NRAP: variants seen among roughly 807,000 people sequenced by gnomAD.
NRAP encodes the protein nebulin related anchoring protein, also known as nebulin-related-anchoring protein.
NRAP carries 189 observed loss-of-function variants against 225.9 expected under a neutral mutation model. The ratio of observed to expected loss-of-function variants is 0.84; its 90% CI spans 0.74 to 0.94. The LOEUF is 0.94. Ranked by LOEUF, NRAP falls within the 40% of genes least tolerant of loss-of-function variation. NRAP has a pLI of 0.00. For synonymous variants in NRAP, 769 were observed against 790.7 expected, an observed-to-expected ratio of 0.97 and a Z score of 0.46; for missense variants, 2,176 against 2,168.7, an observed-to-expected ratio of 1.00 and a Z score of -0.07.
rs553220058 is a variant in NRAP at position 113,623,809 on chromosome 10, CT to C, written c.2350-174del. On this transcript the variant is annotated intron_variant, in intron 22 of 41. Transcript: ENST00000359988. ...GAATACAGCCAGGCCTTCTTCCTGC[CT>C]TAAGGCCTTTTAACACATAGGGCTT... 5.1e-4 allele frequency among the ~76,000 whole-genome samples: 78 copies of C among 152,312 alleles called. No individual in the cohort carries two copies. In the South Asian group the frequency reaches 0.012, roughly 23 times the overall value.
Position 113,617,493 on chromosome 10 carries a change from T to C in NRAP, c.2935A>G (p.Met979Val), listed in dbSNP as rs770388040. The C allele has an allele frequency of 1.9e-5, 31 of 1,611,844 alleles. No individual in the cohort carries two copies. In the Admixed American group the frequency reaches 5.0e-4, roughly 26 times the overall value. The change falls in exon 26 of 42, where the codon ATG becomes GTG. Residue 979 changes from methionine (M) to valine (V), a missense_variant. By Grantham distance (21) the Met-to-Val change is conservative. Transcript: ENST00000359988. ...KFTSIKDTPE[M>V]VQARISYTQA... ...GTATAACTAATTCTGGCCTGGACCATCTCCGGAGTGTCTTTAATACTGGTA... is the reference window on the plus strand; with the variant it reads ...GTATAACTAATTCTGGCCTGGACCACCTCCGGAGTGTCTTTAATACTGGTA...
At chr10:113,610,644 G>C in intron 30 of NRAP, 81 bp from the exon 31 acceptor site, 1 of 802,342 alleles carries the variant, frequency 1.2e-6, no homozygotes, top group Non-Finnish European at 2.1e-6. Context: ...GAGGTCTCAT[G>C]ACACAGCATC....
intron 7 of NRAP, 112 bp downstream of exon 7, chr10:113,651,691 A>G (rs1592863691): frequency 7.7e-6 from 5 of 652,440 alleles, no homozygotes; most frequent in Middle Eastern, 3.1e-4. Context: ...TTATCATTCT[A>G]TTATAAAGAT....
At chr10:113,603,615 C>T (rs1846741212) in intron 35 of NRAP, among the ~76,000 whole-genome samples, 1 of 152,098 alleles carries the variant, frequency 6.6e-6, no homozygotes, top group African/African-American at 2.4e-5. Flanking sequence ...CACATCACCA[C>T]CCTCGTCCTT....
At chr10:113,592,344 C>T (rs1194952997) in intron 38 of NRAP, 43 bp from the exon 39 acceptor site, 2 of 1,286,626 alleles carry the variant, frequency 1.6e-6, no homozygotes, top group Non-Finnish European at 2.2e-6. Flanking sequence ...GGCAGTCACT[C>T]CACTGTCTTC....
intron 29 of NRAP, among the ~76,000 whole-genome samples, chr10:113,613,394 G>C (rs2133939820): frequency 6.6e-6 from 1 of 152,312 alleles, no homozygotes; most frequent in Non-Finnish European, 1.5e-5. Context: ...TTGGACAAGA[G>C]ACTGAATCAC....
intron 20 of NRAP, among the ~76,000 whole-genome samples, chr10:113,627,768 T>C (rs1476729502): frequency 6.6e-6 from 1 of 152,226 alleles, no homozygotes; most frequent in African/African-American, 2.4e-5. Flanking sequence ...GCTCTTCTAC[T>C]TACTTAAAGT....
intron 24 of NRAP, among the ~76,000 whole-genome samples, chr10:113,621,174 G>A (rs1216937778): frequency 3.9e-5 from 6 of 152,212 alleles, no homozygotes; most frequent in Non-Finnish European, 8.8e-5. Flanking sequence ...ACCTCAGTGG[G>A]GGGGCAGGGT....
chr10:113,613,619 CAAT>C (rs898720124), intron 29 of NRAP, among the ~76,000 whole-genome samples: 2 of 152,148 alleles, frequency 1.3e-5, no homozygotes, highest in Non-Finnish European at 2.9e-5. Context: ...TCACAACCAA[CAAT>C]GACAGGGTCA....
intron 26 of NRAP, among the ~76,000 whole-genome samples, chr10:113,616,356 A>G (rs967451672): frequency 2.0e-5 from 3 of 152,204 alleles, no homozygotes; most frequent in Admixed American, 1.3e-4. Context: ...TGCAGTTGGC[A>G]TCAGCCACCA....
intron 35 of NRAP, among the ~76,000 whole-genome samples, chr10:113,599,380 G>A (rs1306871728): frequency 6.6e-6 from 1 of 152,082 alleles, no homozygotes; most frequent in African/African-American, 2.4e-5. Context: ...CGATCTTTCA[G>A]TCTACACCGG....
chr10:113,635,139 G>A (rs11813983), intron 14 of NRAP, among the ~76,000 whole-genome samples: 27,143 of 152,186 alleles, frequency 0.18, 2,930 homozygotes, highest in African/African-American at 0.3. Flanking sequence ...TTGCCCTTTC[G>A]AATATTAAGA....
intron 22 of NRAP, among the ~76,000 whole-genome samples, chr10:113,624,516 G>C (rs555453599): frequency 1.2e-4 from 18 of 152,278 alleles, no homozygotes; most frequent in African/African-American, 3.9e-4. Flanking sequence ...GCAAATGTCT[G>C]AGCTCTTACT....
At chr10:113,643,255 A>G (rs1351048362) in intron 11 of NRAP, among the ~76,000 whole-genome samples, 12 of 152,266 alleles carry the variant, frequency 7.9e-5, no homozygotes, top group African/African-American at 1.4e-4. Flanking sequence ...AATTAAAAGC[A>G]TATAGTCGCT....
intron 9 of NRAP, among the ~76,000 whole-genome samples, chr10:113,647,570 C>CTCCCCTGGTGGTACTGT (rs1849613712): frequency 1.5e-5 from 1 of 66,418 alleles, no homozygotes; most frequent in African/African-American, 4.3e-5. Flanking sequence ...AGTGGTACTG[C>CTCCCCTGGTGGTACTGT]CTCCCCTGGT....
chr10:113,657,242 T>G (rs1329149897), intron 4 of NRAP, among the ~76,000 whole-genome samples: 13 of 152,098 alleles, frequency 8.5e-5, no homozygotes, highest in Admixed American at 8.5e-4. Context: ...ACCTGGGTGA[T>G]AGAAATACAG....
intron 34 of NRAP, among the ~76,000 whole-genome samples, 183 bp from the exon 35 acceptor site, chr10:113,605,103 T>TAATTAA (rs1473216096): frequency 6.6e-6 from 1 of 152,186 alleles, no homozygotes. Context: ...TCTTCCTATC[T>TAATTAA]AATTAAAATC....
intron 20 of NRAP, among the ~76,000 whole-genome samples, chr10:113,626,839 A>G (rs766422333): frequency 1.3e-5 from 2 of 152,216 alleles, no homozygotes; most frequent in Non-Finnish European, 2.9e-5. Context: ...CCCATCTCAC[A>G]GCCACAAATT....
At chr10:113,636,810 C>T (rs1027894238) in intron 14 of NRAP, among the ~76,000 whole-genome samples, 1 of 151,992 alleles carries the variant, frequency 6.6e-6, no homozygotes, top group African/African-American at 2.4e-5. Context: ...AGTTCAAGAC[C>T]AGCCTCACCA....
Sources: gnomAD v4.1 joint callset for allele counts (sites outside exome capture counted in the v4.1 genomes callset) on GRCh38, gnomAD v4.1.1 for gene constraint, MANE v1.5 for transcripts, NCBI Gene and HGNC (gene_info 2026-07-23, HGNC 2026-07-21) for gene names.